The following CNBD2 variants were observed in gnomAD, a reference collection of about 807,000 sequenced individuals.
The protein encoded by CNBD2 is cyclic nucleotide binding domain containing 2.
Under a neutral mutation model 63.7 loss-of-function variants are expected in CNBD2, and 64 were observed. The ratio of observed to expected loss-of-function variants is 1.00; its 90% CI spans 0.82 to 1.24. The LOEUF is 1.24. Ranked by LOEUF, CNBD2 falls within the 50% of genes most tolerant of loss-of-function variation. CNBD2 has a pLI of 0.00. For missense variants in CNBD2, 691 were observed against 713.5 expected (o/e 0.97, Z 0.36); for synonymous variants, 229 against 255.4 (o/e 0.90, Z 0.99).
At chr20:35,995,648 AT>A (rs556041361) in intron 8 of CNBD2, among the ~76,000 whole-genome samples, 6 of 151,800 alleles carry the variant, frequency 4.0e-5, no homozygotes, top group East Asian at 1.9e-4. Flanking sequence ...CATATACCAC[AT>A]TTTTTTTGTC....
At chr20:35,987,043 TA>T (rs375586357) in intron 6 of CNBD2, among the ~76,000 whole-genome samples, 9 of 152,102 alleles carry the variant, frequency 5.9e-5, no homozygotes, top group Non-Finnish European at 8.8e-5. Context: ...GAGTGGGGAC[TA>T]GCTTCATGAG....
intron 10 of CNBD2, among the ~76,000 whole-genome samples, chr20:36,020,323 T>C (rs954854437): frequency 1.6e-4 from 24 of 152,250 alleles, no homozygotes; most frequent in Admixed American, 5.9e-4. Flanking sequence ...CCTCGTGATC[T>C]GCCCACCTCG....
chr20:36,005,011 T>C (rs761787154), intron 8 of CNBD2, among the ~76,000 whole-genome samples: 1 of 152,232 alleles, frequency 6.6e-6, no homozygotes, highest in Non-Finnish European at 1.5e-5. Context: ...TATTCTATTA[T>C]ATGCATATAT....
intron 11 of CNBD2, among the ~76,000 whole-genome samples, chr20:36,029,018 A>G (rs189083267): frequency 6.6e-6 from 1 of 152,266 alleles, no homozygotes; most frequent in Admixed American, 6.5e-5. Context: ...TGCAGCTTTC[A>G]GTTCAAGTGA....
downstream of CNBD2, among the ~76,000 whole-genome samples, chr20:35,956,164 A>G (rs1039849278): frequency 6.6e-6 from 1 of 152,226 alleles, no homozygotes; most frequent in African/African-American, 2.4e-5. Flanking sequence ...AACCATTAAC[A>G]TGCCATTAGC....
intron 8 of CNBD2, among the ~76,000 whole-genome samples, chr20:36,001,289 G>A (rs1601068475): frequency 2.6e-5 from 4 of 151,390 alleles, no homozygotes; most frequent in Admixed American, 2.6e-4. Context: ...GGGCAGAGGG[G>A]CTCCTCACTT....
intron 2 of CNBD2, among the ~76,000 whole-genome samples, chr20:35,960,956 C>CACCCAG (rs1264580540): frequency 2.6e-4 from 39 of 148,762 alleles, no homozygotes; most frequent in African/African-American, 9.4e-4. Context: ...CTTTTTCTTT[C>CACCCAG]CTCTCGCTCT....
At chr20:36,006,203 T>C (rs756573981) in intron 8 of CNBD2, among the ~76,000 whole-genome samples, 5 of 151,752 alleles carry the variant, frequency 3.3e-5, no homozygotes, top group Non-Finnish European at 5.9e-5. Flanking sequence ...TAATTTTTTG[T>C]ATCTTTAGTA....
chr20:35,967,590 T>G (rs2056357143), upstream of CNBD2, among the ~76,000 whole-genome samples: 1 of 149,602 alleles, frequency 6.7e-6, no homozygotes, highest in South Asian at 2.1e-4. Context: ...TGGTGGTTTA[T>G]GCCTGTAATC....
At chr20:35,954,702 G>A, upstream of CNBD2, 1 of 1,071,010 alleles carries the variant, frequency 9.3e-7, no homozygotes, top group Non-Finnish European at 1.2e-6. Context: ...CTGAATGTTT[G>A]GAGATAGACT....
chr20:35,991,830 C>T (rs769379119), intron 7 of CNBD2, among the ~76,000 whole-genome samples: 2 of 152,040 alleles, frequency 1.3e-5, no homozygotes, highest in Admixed American at 6.6e-5. Flanking sequence ...TCTCAAAGTG[C>T]GGTGGCTGGA....
chr20:35,964,927 T>G (rs1034194611), upstream of CNBD2, among the ~76,000 whole-genome samples: 3 of 151,992 alleles, frequency 2.0e-5, no homozygotes, highest in African/African-American at 4.8e-5. Flanking sequence ...GATCTCAATC[T>G]CTTGACCTCG....
At chr20:36,008,153 T>C in intron 8 of CNBD2, 144 bp from the exon 9 acceptor site, 1 of 674,294 alleles carries the variant, frequency 1.5e-6, no homozygotes, top group Non-Finnish European at 2.5e-6. Context: ...GGCCACAGTG[T>C]TTTATCTTTC....
intron 8 of CNBD2, among the ~76,000 whole-genome samples, chr20:36,005,781 T>A (rs1297957511): frequency 2.0e-5 from 3 of 151,502 alleles, no homozygotes; most frequent in African/African-American, 7.3e-5. Flanking sequence ...AAACGCTGTC[T>A]CTAATAAAAA....
At chr20:35,984,485 G>T in intron 5 of CNBD2, 142 bp from the exon 6 acceptor site, 1 of 875,684 alleles carries the variant, frequency 1.1e-6, no homozygotes, top group Non-Finnish European at 1.7e-6. Flanking sequence ...AGAATGTGCA[G>T]GAGAATAGAG....
At position 35,980,516 on chromosome 20, in the gene CNBD2, G is replaced by C. The variant is rs763701358; in HGVS notation, c.301G>C (p.Glu101Gln). The C allele has an allele frequency of 1.2e-6, 2 of 1,614,194 alleles. No homozygotes were observed. Among genetic ancestry groups the C allele is most frequent in the Admixed American group, 3.3e-5 (2 of 60,026 alleles). Residue 101 changes from glutamate (E) to glutamine (Q), a missense_variant, in exon 4 of 12, where the codon GAG becomes CAG. Glu to Gln is a conservative substitution (Grantham distance 29). Transcript: ENST00000373973. ...GCAGAAGAAGCCTTCCTGGAGAACA[G>C]AGGATGAGATCCAGGCCGTCTGTAA... is the stretch of plus-strand genomic sequence containing the variant. ...IMQKKPSWRT[E>Q]DEIQAVCNIL... is the part of the protein sequence containing the mutation.
chr20:35,988,346 T>C (rs2056697532), intron 7 of CNBD2, among the ~76,000 whole-genome samples: 1 of 150,378 alleles, frequency 6.6e-6, no homozygotes, highest in Admixed American at 6.6e-5. Context: ...TTTTTTTGTA[T>C]TTTTAGTAGA....
At chr20:35,978,320 A>G (rs6060738) in intron 3 of CNBD2, among the ~76,000 whole-genome samples, 43,918 of 150,848 alleles carry the variant, frequency 0.29, 7,492 homozygotes, top group African/African-American at 0.47. Context: ...TAGGACTGCA[A>G]GTGTGTGCCA....
At chr20:36,002,193 G>C (rs2056921579) in intron 8 of CNBD2, among the ~76,000 whole-genome samples, 1 of 152,254 alleles carries the variant, frequency 6.6e-6, no homozygotes, top group African/African-American at 2.4e-5. Context: ...TTAGGAGCTG[G>C]AGACCAGCCC....
Sources: allele counts gnomAD v4.1 joint callset (sites outside exome capture counted in the v4.1 genomes callset), GRCh38; gene constraint gnomAD v4.1.1; transcripts MANE v1.5; gene names NCBI Gene and HGNC (gene_info 2026-07-23, HGNC 2026-07-21).